Variants in UBAP1L observed in about 807,000 individuals in gnomAD.
UBAP1L encodes the protein ubiquitin associated protein 1 like.
A neutral mutation model predicts 32.1 loss-of-function variants in UBAP1L; 32 were observed. The observed-to-expected ratio is 1.00, with a 90% CI of 0.75 to 1.34. UBAP1L has a LOEUF of 1.34. Among genes scored for constraint, UBAP1L ranks in the 40% most tolerant of loss-of-function variants. The probability of loss-of-function intolerance (pLI) is 0.00; values close to 1 mark genes in which losing one functional copy is unlikely to be tolerated. For missense variants in UBAP1L, 516 were observed against 540.5 expected, an observed-to-expected ratio of 0.95 and a Z score of 0.45; for synonymous variants, 243 against 250.2, an observed-to-expected ratio of 0.97 and a Z score of 0.27.
intron 4 of UBAP1L, 196 bp downstream of exon 4, chr15:65,099,309 G>T (rs1344136812): frequency 1.7e-6 from 1 of 595,320 alleles, no homozygotes; most frequent in East Asian, 2.9e-5. Context: ...TGCAATGACT[G>T]ATTGAGGCAG....
intron 2 of UBAP1L, 116 bp downstream of exon 2, chr15:65,105,980 C>A (rs752183994): frequency 7.1e-7 from 1 of 1,417,858 alleles, no homozygotes; most frequent in African/African-American, 1.5e-5. Context: ...TTAGTAGATA[C>A]GGGGTTTCAC....
chr15:65,113,793 CAG>C (rs1267765203), intron 1 of UBAP1L, among the ~76,000 whole-genome samples: 1 of 152,174 alleles, frequency 6.6e-6, no homozygotes, highest in Admixed American at 6.5e-5. Flanking sequence ...GTTCATTCTT[CAG>C]AGCTCAGCTG....
intron 1 of UBAP1L, among the ~76,000 whole-genome samples, chr15:65,114,182 C>A (rs866453625): frequency 6.7e-6 from 1 of 150,152 alleles, no homozygotes. Flanking sequence ...CCGCGCCCAG[C>A]CTTTTTTTTT....
At chr15:65,110,883 G>A (rs1403376560) in intron 1 of UBAP1L, among the ~76,000 whole-genome samples, 1 of 152,090 alleles carries the variant, frequency 6.6e-6, no homozygotes, top group Admixed American at 6.5e-5. Flanking sequence ...ATCCCTGCCA[G>A]GATGACGCAA....
intron 3 of UBAP1L, chr15:65,101,077 AG>A (rs1219043787): frequency 2.6e-5 from 4 of 152,270 alleles, no homozygotes; most frequent in Non-Finnish European, 5.9e-5. Context: ...GTGCAGGTAG[AG>A]AAGGGGTGGT....
intron 1 of UBAP1L, among the ~76,000 whole-genome samples, chr15:65,110,344 T>C (rs1331537382): frequency 6.9e-6 from 1 of 145,260 alleles, no homozygotes; most frequent in Non-Finnish European, 1.5e-5. Context: ...GGTGACAGAG[T>C]GAGACTCTGT....
chr15:65,102,721 C>T lies in UBAP1L; in HGVS notation c.121-37G>A, dbSNP rs1289568898. On this transcript the variant is annotated intron_variant, in intron 2 of 5. Transcript: ENST00000559089. The surrounding 1 kb of genome is among the most constrained non-coding windows in gnomAD (Gnocchi z 5.0). ...AGGCGACGTAAAGCCCAGGGCAAAC[C>T]AGGACCCCGGGGGCACAACACTAAC... The T allele has an allele frequency of 1.3e-6, 2 of 1,531,502 alleles. No individual in the cohort carries two copies. Among genetic ancestry groups the T allele is most frequent in the African/African-American group, 2.8e-5 (2 of 72,600 alleles). The allele number at this position is 1,531,502 out of a possible 1,614,324, so 94.9% of individuals were successfully genotyped here. A position where few individuals can be genotyped will look rare whatever the true frequency, so the allele number is the denominator to read the frequency against.
In UBAP1L at chr15:65,094,787, A is replaced by G. The variant is rs887410880; in HGVS notation, c.910-211T>C. ...GGCGATAGGCAGACAATGGGTCTTC[A>G]CCAACTATGCCAAGCTGGGGGCTGG... On this transcript the variant is annotated intron_variant, in intron 4 of 5. Coordinates refer to ENST00000559089, the MANE Select transcript of UBAP1L (RefSeq NM_001163692.2). This position sits in a 1 kb window ranked among gnomAD's most constrained non-coding sequence, Gnocchi z 4.2. 18 of 589,686 alleles carry G rather than the reference A, an allele frequency of 3.1e-5. No individual in the cohort carries two copies. The highest frequency in any genetic ancestry group is 2.8e-4 in the African/African-American group (15 of 53,814). 36.5% of individuals were successfully genotyped at this position (589,686 alleles called of 1,614,324 possible). A position where few individuals can be genotyped will look rare whatever the true frequency, so the allele number is the denominator to read the frequency against.
intron 2 of UBAP1L, among the ~76,000 whole-genome samples, chr15:65,105,184 A>G (rs2087294688): frequency 6.6e-6 from 1 of 151,948 alleles, no homozygotes. Context: ...GTCTCAAAAA[A>G]CAAAAGCAGG....
intron 2 of UBAP1L, 154 bp downstream of exon 2, chr15:65,105,942 C>A (rs767218688): frequency 6.4e-6 from 7 of 1,090,210 alleles, no homozygotes; most frequent in Non-Finnish European, 9.3e-6. Flanking sequence ...AGGCACGCGT[C>A]ACCACACCCA....
Position 65,102,412 on chromosome 15 carries a change from G to A in UBAP1L, c.393C>T (p.Gly131=), listed in dbSNP as rs536936161. 1.3e-4 allele frequency: 189 copies of A among 1,428,036 alleles called. 1 individual carries two copies. The African/African-American group carries it at 2.8e-3, about 21-fold the overall frequency. 88.5% of individuals were successfully genotyped at this position (1,428,036 alleles called of 1,614,324 possible). ...EEPAPSSLQP[G]SPASPGPGRR... ...GGCCGGGGCCGGGGCTCGCCGGGGAGCCCGGTTGGAGGCTGCTGGGGGCCG... is the reference window on the plus strand; with the variant it reads ...GGCCGGGGCCGGGGCTCGCCGGGGAACCCGGTTGGAGGCTGCTGGGGGCCG... The change falls in exon 3 of 6, where the codon GGC becomes GGT. Residue 131 remains glycine, a synonymous_variant. Coordinates refer to ENST00000559089, the MANE Select transcript of UBAP1L (RefSeq NM_001163692.2). The surrounding 1 kb of genome is among the most constrained non-coding windows in gnomAD (Gnocchi z 5.0).
Position 65,106,394 on chromosome 15 carries a change from T to A in UBAP1L, c.-173-6A>T. 1 of 588,072 alleles carries A rather than the reference T, an allele frequency of 1.7e-6. No homozygotes were observed. Among genetic ancestry groups the A allele is most frequent in the East Asian group, 3.4e-5 (1 of 29,118 alleles). 36.4% of individuals were successfully genotyped at this position (588,072 alleles called of 1,614,324 possible). A position where few individuals can be genotyped will look rare whatever the true frequency, so the allele number is the denominator to read the frequency against. On this transcript the variant is annotated splice_polypyrimidine_tract_variant and splice_region_variant and intron_variant, in intron 1 of 5. Coordinates refer to ENST00000559089, the MANE Select transcript of UBAP1L (RefSeq NM_001163692.2). ...AAAAGGTGAGGGGGCCAGTGCTGCA[T>A]AAAGGAAGGAAATGAATAAAAACAA... is the stretch of plus-strand genomic sequence containing the variant.
chr15:65,094,509 T>A lies in UBAP1L; in HGVS notation c.977A>T (p.Glu326Val), dbSNP rs1176476285. Residue 326 changes from glutamate to valine, a missense_variant, in exon 5 of 6, where the codon GAG becomes GTG. Transcript: ENST00000559089. The surrounding 1 kb of genome is among the most constrained non-coding windows in gnomAD (Gnocchi z 4.2). ...RQGYEEGLVD[E>V]AMEMFQFSES... Reference sequence around the variant, plus strand: ...GGAGAACTGGAACATCTCCATGGCCTCATCCACCAGGCCTTCCTCATATCC... The same window carrying A: ...GGAGAACTGGAACATCTCCATGGCCACATCCACCAGGCCTTCCTCATATCC... 5 of 1,551,320 alleles carry A rather than the reference T, an allele frequency of 3.2e-6. No homozygotes were observed. In the East Asian group the frequency reaches 1.2e-4, roughly 38 times the overall value.
chr15:65,107,890 G>A (rs541988965), intron 1 of UBAP1L, among the ~76,000 whole-genome samples: 1 of 152,142 alleles, frequency 6.6e-6, no homozygotes, highest in Admixed American at 6.5e-5. Context: ...CCACGTTCAA[G>A]GATTGTAAAA....
chr15:65,105,866 C>T, intron 2 of UBAP1L: 1 of 697,346 alleles, frequency 1.4e-6, no homozygotes. Flanking sequence ...TCTTGGTTCA[C>T]TGCAACCTCC....
At chr15:65,105,015 A>T (rs575468755) in intron 2 of UBAP1L, 6 of 238,804 alleles carry the variant, frequency 2.5e-5, no homozygotes, top group East Asian at 1.5e-4. Context: ...CAAATGAAAA[A>T]AAAAAAAAAA....
intron 2 of UBAP1L, among the ~76,000 whole-genome samples, chr15:65,104,210 C>T (rs536819883): frequency 1.3e-5 from 2 of 151,500 alleles, no homozygotes; most frequent in Non-Finnish European, 2.9e-5. Flanking sequence ...CAAGATTGCA[C>T]CACTGCACAC....
rs1438317263 is a variant in UBAP1L, at chr15:65,094,652, C to A, written c.910-76G>T. 3 of 1,120,866 alleles carry A rather than the reference C, an allele frequency of 2.7e-6. No homozygotes were observed. Among genetic ancestry groups the A allele is most frequent in the Non-Finnish European group, 3.9e-6 (3 of 761,206 alleles). 69.4% of individuals were successfully genotyped at this position (1,120,866 alleles called of 1,614,324 possible). ...GCAGCAGACAGGGCAGAGAGGCACT[C>A]CAAGGGCCTGAGCTGAGGGCCAGGC... On this transcript the variant is annotated intron_variant, in intron 4 of 5. Coordinates refer to ENST00000559089, the MANE Select transcript of UBAP1L (RefSeq NM_001163692.2). The surrounding 1 kb of genome is among the most constrained non-coding windows in gnomAD (Gnocchi z 4.2).
At chr15:65,105,831 G>T (rs188291293) in intron 2 of UBAP1L, 4 of 696,582 alleles carry the variant, frequency 5.7e-6, no homozygotes, top group Non-Finnish European at 1.1e-5. Flanking sequence ...TCACTCTGTC[G>T]CCAGGCTGAA....
Sources: gnomAD v4.1 joint callset for allele counts (sites outside exome capture counted in the v4.1 genomes callset) on GRCh38, gnomAD v4.1.1 for gene constraint, Gnocchi (gnomAD v3.1) non-coding constraint, MANE v1.5 for transcripts, NCBI Gene and HGNC (gene_info 2026-07-23, HGNC 2026-07-21) for gene names.